Variants in SEMA3A observed in about 807,000 individuals in gnomAD.
SEMA3A encodes semaphorin-3A.
In SEMA3A, 29 loss-of-function variants were observed where a neutral mutation model predicts 97.9. The observed-to-expected ratio is 0.30, with a 90% CI of 0.22 to 0.40. The LOEUF (loss-of-function observed/expected upper bound fraction) is 0.40, where lower values mean the gene tolerates loss of function less well. SEMA3A is among the 10% of genes least tolerant of loss of function. The pLI, the probability that SEMA3A is intolerant of heterozygous loss-of-function variation, is 1.00. For synonymous variants in SEMA3A, 321 were observed against 323.7 expected (o/e 0.99, Z 0.09); for missense variants, 763 against 951.3 (o/e 0.80, Z 2.60).
At chr7:84,052,953 C>T (rs974537273) in intron 5 of SEMA3A, among the ~76,000 whole-genome samples, 10 of 151,204 alleles carry the variant, frequency 6.6e-5, no homozygotes, top group African/African-American at 9.7e-5. Flanking sequence ...TTTATTTCTG[C>T]CTTCATTTCG....
chr7:84,147,553 G>A (rs1005278455), intron 1 of SEMA3A, among the ~76,000 whole-genome samples: 1 of 152,156 alleles, frequency 6.6e-6, no homozygotes, highest in Non-Finnish European at 1.5e-5. Context: ...CATACTCAAG[G>A]ATCAATCAAG....
chr7:83,977,427 TAAC>T (rs1208670115), intron 14 of SEMA3A, among the ~76,000 whole-genome samples: 2 of 152,080 alleles, frequency 1.3e-5, no homozygotes, highest in Non-Finnish European at 2.9e-5. Flanking sequence ...CCAAATGTAC[TAAC>T]AACATGTTAA....
chr7:84,349,597 C>CA (rs1292215181), intron 2 of SEMA3A, among the ~76,000 whole-genome samples: 1 of 152,140 alleles, frequency 6.6e-6, no homozygotes, highest in African/African-American at 2.4e-5. Flanking sequence ...GCATAGCATA[C>CA]ATGTGGACAG....
intron 3 of SEMA3A, among the ~76,000 whole-genome samples, chr7:84,220,486 C>G (rs547569072): frequency 6.6e-6 from 1 of 152,216 alleles, no homozygotes; most frequent in South Asian, 2.1e-4. Flanking sequence ...TTTACTTTGA[C>G]CAGATCCATC....
intron 2 of SEMA3A, among the ~76,000 whole-genome samples, chr7:84,309,285 G>A (rs76462082): frequency 0.045 from 6,859 of 152,150 alleles, 508 homozygotes; most frequent in African/African-American, 0.16. Flanking sequence ...TAAAGGATGA[G>A]GATTAGAGTC....
At position 84,177,611 on chromosome 7, in the gene SEMA3A, T is replaced by C. The variant is rs114637604; in HGVS notation, c.112+16864A>G. 9.3e-3 allele frequency among the ~76,000 whole-genome samples: 1,417 copies of C among 152,240 alleles called. 22 individuals carry two copies. The highest frequency in any genetic ancestry group is 0.032 in the African/African-American group (1,328 of 41,560). ...ATAAAGTATATTGAGAAAAAAACCC[T>C]AGTAATTTTTATCCAACAATTAAAT... On this transcript the variant is annotated intron_variant, in intron 1 of 16. Transcript: ENST00000265362.
chr7:84,051,252 G>C (rs374600120), intron 5 of SEMA3A, among the ~76,000 whole-genome samples: 113 of 151,612 alleles, frequency 7.5e-4, no homozygotes, highest in African/African-American at 2.2e-3. Context: ...TGAAGAAAGT[G>C]ATTGGTAGCT....
chr7:84,154,039 T>G (rs1796759804), intron 1 of SEMA3A, among the ~76,000 whole-genome samples: 1 of 152,088 alleles, frequency 6.6e-6, no homozygotes, highest in Admixed American at 6.5e-5. Context: ...TATATTAATT[T>G]CAAATAAATA....
chr7:83,976,042 G>A (rs906592782), intron 15 of SEMA3A, among the ~76,000 whole-genome samples: 6 of 152,094 alleles, frequency 3.9e-5, no homozygotes, highest in Admixed American at 2.0e-4. Context: ...AATCAAAGTG[G>A]TTCCGAAACA....
chr7:84,150,998 A>T (rs1384276755), intron 1 of SEMA3A, among the ~76,000 whole-genome samples: 2 of 148,122 alleles, frequency 1.4e-5, no homozygotes, highest in Admixed American at 1.4e-4. Flanking sequence ...CTCACACTGC[A>T]GGGTACTCCA....
chr7:84,125,752 G>T (rs1795774753), intron 3 of SEMA3A, among the ~76,000 whole-genome samples: 1 of 152,156 alleles, frequency 6.6e-6, no homozygotes, highest in African/African-American at 2.4e-5. Flanking sequence ...TCCCATAAAA[G>T]ATGTGGGAAA....
intron 1 of SEMA3A, among the ~76,000 whole-genome samples, chr7:84,141,427 A>C (rs1262192249): frequency 3.3e-5 from 5 of 152,136 alleles, no homozygotes; most frequent in Admixed American, 3.3e-4. Context: ...GTCTCTATCC[A>C]TGAATTTATG....
At chr7:84,435,041 C>G (rs778049945) in intron 1 of SEMA3A, among the ~76,000 whole-genome samples, 1 of 152,034 alleles carries the variant, frequency 6.6e-6, no homozygotes, top group Non-Finnish European at 1.5e-5. Context: ...TAAAAGGCAT[C>G]CAAATAAAAC....
At chr7:84,125,242 A>G (rs917499596) in intron 3 of SEMA3A, among the ~76,000 whole-genome samples, 2 of 152,160 alleles carry the variant, frequency 1.3e-5, no homozygotes, top group Admixed American at 6.5e-5. Flanking sequence ...CACTTTTAAA[A>G]ATGTGTGTCT....
At chr7:84,150,131 G>A in intron 1 of SEMA3A, among the ~76,000 whole-genome samples, 1 of 152,176 alleles carries the variant, frequency 6.6e-6, no homozygotes, top group Non-Finnish European at 1.5e-5. Context: ...AACATTATTT[G>A]AGGGTAACTG....
intron 5 of SEMA3A, among the ~76,000 whole-genome samples, chr7:84,054,577 G>A (rs1177939871): frequency 3.4e-5 from 5 of 148,814 alleles, no homozygotes; most frequent in African/African-American, 9.9e-5. Flanking sequence ...GCACTTCTCT[G>A]TATTGGTTAT....
intron 3 of SEMA3A, chr7:84,306,544 T>C (rs1266008403): frequency 1.3e-5 from 2 of 152,144 alleles, no homozygotes; most frequent in African/African-American, 4.8e-5. Flanking sequence ...GTAACCGTGA[T>C]GGAATGGTAA....
intron 2 of SEMA3A, among the ~76,000 whole-genome samples, chr7:84,315,243 G>C (rs1222177119): frequency 1.3e-5 from 2 of 152,004 alleles, no homozygotes; most frequent in Non-Finnish European, 2.9e-5. Flanking sequence ...GGCTGGAGAG[G>C]ACATGAAATA....
At chr7:84,165,728 T>C (rs1797186356) in intron 1 of SEMA3A, among the ~76,000 whole-genome samples, 1 of 152,038 alleles carries the variant, frequency 6.6e-6, no homozygotes, top group African/African-American at 2.4e-5. Context: ...AATTTTTGTA[T>C]TTTTAGTAGA....
Sources: gnomAD v4.1 joint callset for allele counts (sites outside exome capture counted in the v4.1 genomes callset) on GRCh38, gnomAD v4.1.1 for gene constraint, MANE v1.5 for transcripts, NCBI Gene and HGNC (gene_info 2026-07-23, HGNC 2026-07-21) for gene names.